Variants in ODAD2 observed in about 807,000 individuals in gnomAD.
ODAD2 encodes the protein outer dynein arm docking complex subunit 2, also known as outer dynein arm-docking complex subunit 2.
In ODAD2, 89 loss-of-function variants were observed where a neutral mutation model predicts 106.8. That is an observed-to-expected ratio of 0.83 (90% confidence interval 0.70 to 0.99). ODAD2 has a LOEUF of 0.99. Among genes scored for constraint, ODAD2 ranks in the 50% least tolerant of loss-of-function variants. The probability of loss-of-function intolerance (pLI) is 0.00; values close to 1 mark genes in which losing one functional copy is unlikely to be tolerated. For synonymous variants in ODAD2, 404 were observed against 436.2 expected (o/e 0.93, Z 0.92); for missense variants, 1,168 against 1,238.5 (o/e 0.94, Z 0.85).
At chr10:27,906,693 A>G (rs1399786890) in intron 17 of ODAD2, among the ~76,000 whole-genome samples, 1 of 152,210 alleles carries the variant, frequency 6.6e-6, no homozygotes, top group Non-Finnish European at 1.5e-5. Flanking sequence ...ATAAAAACGA[A>G]TGAGTTCATG....
At chr10:27,929,479 T>A (rs1378545139) in intron 16 of ODAD2, among the ~76,000 whole-genome samples, 1 of 152,174 alleles carries the variant, frequency 6.6e-6, no homozygotes, top group Non-Finnish European at 1.5e-5. Context: ...ATTCTTTCAT[T>A]GTTTTGTCTT....
At position 27,926,555 on chromosome 10, in the gene ODAD2, T is replaced by C. The variant is rs1380862675; in HGVS notation, c.2495+8455A>G. Among the ~76,000 whole-genome samples the C allele has an allele frequency of 9.9e-5, 15 of 152,186 alleles. 1 individual carries two copies. Among genetic ancestry groups the C allele is most frequent in the Non-Finnish European group, 2.9e-5 (2 of 68,022 alleles). On this transcript the variant is annotated intron_variant, in intron 16 of 19. Transcript: ENST00000305242. ...ATAATGGAAGGTTTCTGAAATGTAC[T>C]ATGACTATGTAAGATGTTAAGGTTA... is the stretch of plus-strand genomic sequence containing the variant.
intron 17 of ODAD2, among the ~76,000 whole-genome samples, chr10:27,879,189 TG>T (rs1449200625): frequency 6.6e-6 from 1 of 152,146 alleles, no homozygotes; most frequent in Non-Finnish European, 1.5e-5. Flanking sequence ...TACCATGCCC[TG>T]GGTTGATTCT....
chr10:27,882,859 G>T (rs924517985), intron 17 of ODAD2, among the ~76,000 whole-genome samples: 1 of 151,620 alleles, frequency 6.6e-6, no homozygotes, highest in African/African-American at 2.4e-5. Flanking sequence ...CTTGACCTAA[G>T]ACTTCACACA....
chr10:27,982,928 C>T (rs1418847794), intron 6 of ODAD2, among the ~76,000 whole-genome samples: 10 of 152,292 alleles, frequency 6.6e-5, no homozygotes, highest in Admixed American at 4.6e-4. Flanking sequence ...GTGCTACTCA[C>T]GCAGGAATCT....
intron 14 of ODAD2, 107 bp from the exon 15 acceptor site, chr10:27,936,987 G>T: frequency 9.0e-7 from 1 of 1,115,262 alleles, no homozygotes; most frequent in Admixed American, 2.9e-5. Context: ...TTTCTAGAGA[G>T]ATCATTTTCG....
rs112640382 is a variant in ODAD2 at position 27,840,773 on chromosome 10, G to A, written c.3021+19852C>T. ...GATGCTAAAGGCTTTGGAGCTCAGC[G>A]CCTTCTTAGGGCTCTGCTGCTTTCT... On this transcript the variant is annotated intron_variant, in intron 19 of 19. Coordinates refer to ENST00000305242, the MANE Select transcript of ODAD2 (RefSeq NM_018076.5). Among the ~76,000 whole-genome samples the A allele has an allele frequency of 5.6e-3, 860 of 152,336 alleles. 9 individuals carry two copies. The highest frequency in any genetic ancestry group is 0.02 in the African/African-American group (813 of 41,576).
chr10:27,994,103 A>G (rs1850402816), intron 2 of ODAD2, among the ~76,000 whole-genome samples: 1 of 151,786 alleles, frequency 6.6e-6, no homozygotes, highest in African/African-American at 2.4e-5. Flanking sequence ...ATTTATGCGT[A>G]TGTGTGTGTA....
At chr10:27,850,742 A>T (rs7093199) in intron 19 of ODAD2, among the ~76,000 whole-genome samples, 97,264 of 152,084 alleles carry the variant, frequency 0.64, 31,367 homozygotes, top group Middle Eastern at 0.72. Flanking sequence ...ATGGAAAAAA[A>T]CTGTGAAACA....
intron 19 of ODAD2, among the ~76,000 whole-genome samples, chr10:27,815,513 T>C (rs187324636): frequency 2.0e-5 from 3 of 152,332 alleles, no homozygotes; most frequent in East Asian, 1.9e-4. Flanking sequence ...CTTCCTTCCA[T>C]GTGGCTAAGA....
chr10:27,891,160 T>G (rs1460908202), intron 17 of ODAD2, among the ~76,000 whole-genome samples: 1 of 152,178 alleles, frequency 6.6e-6, no homozygotes, highest in African/African-American at 2.4e-5. Flanking sequence ...ATTCCTGTCC[T>G]GTTTGATCAG....
intron 19 of ODAD2, among the ~76,000 whole-genome samples, chr10:27,836,758 CTTAA>C (rs771176376): frequency 2.6e-5 from 4 of 152,182 alleles, no homozygotes; most frequent in East Asian, 1.9e-4. Flanking sequence ...GTGGTTTTGA[CTTAA>C]TTAATTATAA....
chr10:27,966,761 T>C (rs980304938), intron 9 of ODAD2, among the ~76,000 whole-genome samples: 9 of 152,214 alleles, frequency 5.9e-5, no homozygotes, highest in African/African-American at 2.2e-4. Flanking sequence ...TACCCTAAGC[T>C]AATTCACTAA....
intron 11 of ODAD2, among the ~76,000 whole-genome samples, 181 bp from the exon 12 acceptor site, chr10:27,944,612 C>T (rs1467248901): frequency 3.3e-5 from 5 of 151,996 alleles, no homozygotes; most frequent in Admixed American, 3.3e-4. Context: ...ATTCAGGAAG[C>T]ATGAGAGATG....
intron 17 of ODAD2, among the ~76,000 whole-genome samples, chr10:27,882,793 A>G (rs887316824): frequency 6.6e-6 from 1 of 152,112 alleles, no homozygotes; most frequent in Non-Finnish European, 1.5e-5. Context: ...CTCCATTCTA[A>G]AAACTGCCTG....
chr10:27,979,465 CACACACAG>C (rs1849408816), intron 7 of ODAD2, among the ~76,000 whole-genome samples: 3 of 150,238 alleles, frequency 2.0e-5, no homozygotes, highest in African/African-American at 7.3e-5. Context: ...CACACACACA[CACACACAG>C]AGTTAAATGA....
intron 17 of ODAD2, among the ~76,000 whole-genome samples, chr10:27,866,490 A>T (rs532817596): frequency 6.6e-6 from 1 of 152,318 alleles, no homozygotes; most frequent in Admixed American, 6.5e-5. Flanking sequence ...TTTTCCAAGG[A>T]TCATCTTGGT....
At chr10:27,956,794 T>C (rs915035095) in intron 10 of ODAD2, among the ~76,000 whole-genome samples, 28 of 152,246 alleles carry the variant, frequency 1.8e-4, no homozygotes, top group Non-Finnish European at 2.6e-4. Context: ...TTTTTCATTA[T>C]AATGTGTATA....
chr10:27,929,779 A>T (rs1845487834), intron 16 of ODAD2, among the ~76,000 whole-genome samples: 1 of 152,184 alleles, frequency 6.6e-6, no homozygotes, highest in Admixed American at 6.5e-5. Context: ...GATGCAGAGA[A>T]GTTTACAGCC....
Sources: gnomAD v4.1 joint callset for allele counts (sites outside exome capture counted in the v4.1 genomes callset) on GRCh38, gnomAD v4.1.1 for gene constraint, MANE v1.5 for transcripts, NCBI Gene and HGNC (gene_info 2026-07-23, HGNC 2026-07-21) for gene names.